The following TTC27 variants were observed in gnomAD, a reference collection of about 807,000 sequenced individuals.
The protein encoded by TTC27 is tetratricopeptide repeat domain 27.
TTC27 carries 79 observed loss-of-function variants against 115.9 expected under a neutral mutation model. That is an observed-to-expected ratio of 0.68 (90% CI 0.57 to 0.82). The LOEUF (loss-of-function observed/expected upper bound fraction) is 0.82, where lower values mean the gene tolerates loss of function less well. Among genes scored for constraint, TTC27 ranks in the 40% least tolerant of loss-of-function variants. The pLI is 0.00. For synonymous variants in TTC27, 401 were observed against 356.0 expected (o/e 1.13, Z -1.42); for missense variants, 1,054 against 993.1 (o/e 1.06, Z -0.82).
chr2:32,813,982 G>C lies in TTC27; in HGVS notation c.2308+1367G>C, dbSNP rs1027429900. Among the ~76,000 whole-genome samples, 79 of 152,102 alleles carry C rather than the reference G, an allele frequency of 5.2e-4. 3 individuals are homozygous for C. The highest frequency in any genetic ancestry group is 7.4e-5 in the Non-Finnish European group (5 of 68,020). ...ACCTCATGATGGGTGGGCTCAGTTG[G>C]GATCCAGTCCTTATGCTTTTGGTCT... On this transcript the variant is annotated intron_variant, in intron 18 of 19. Coordinates refer to ENST00000317907, the MANE Select transcript of TTC27 (RefSeq NM_017735.5).
intron 15 of TTC27, 40 bp from the exon 16 acceptor site, chr2:32,786,944 G>T: frequency 2.0e-6 from 3 of 1,522,692 alleles, no homozygotes; most frequent in Non-Finnish European, 2.7e-6. Flanking sequence ...AATAAAAAAA[G>T]AGTTCATTAT....
At chr2:32,657,153 T>A (rs867659270) in intron 5 of TTC27, among the ~76,000 whole-genome samples, 60 of 151,126 alleles carry the variant, frequency 4.0e-4, no homozygotes, top group Non-Finnish European at 6.6e-4. Flanking sequence ...GCCCGGCTAA[T>A]TTTTTGTATT....
At chr2:32,704,942 C>T (rs1260956641) in intron 10 of TTC27, 2 of 470,472 alleles carry the variant, frequency 4.3e-6, no homozygotes, top group Non-Finnish European at 8.8e-6. Context: ...GATTTCTCCC[C>T]AAGTAAAGTT....
At chr2:32,769,029 A>T (rs1341518207) in intron 13 of TTC27, among the ~76,000 whole-genome samples, 2 of 152,206 alleles carry the variant, frequency 1.3e-5, no homozygotes, top group Non-Finnish European at 2.9e-5. Context: ...AGTGAAGCCC[A>T]ACAGTGAGGC....
intron 16 of TTC27, among the ~76,000 whole-genome samples, chr2:32,809,894 G>A (rs1450113877): frequency 1.3e-5 from 2 of 152,134 alleles, no homozygotes; most frequent in Non-Finnish European, 2.9e-5. Context: ...CAAGGCGGGT[G>A]GGTCACGAGG....
chr2:32,735,410 G>A (rs1572561505), intron 11 of TTC27, among the ~76,000 whole-genome samples: 1 of 152,110 alleles, frequency 6.6e-6, no homozygotes, highest in East Asian at 1.9e-4. Flanking sequence ...TGTCTATTGA[G>A]GGTGTTGCTT....
chr2:32,688,857 C>A (rs184166522), intron 9 of TTC27, among the ~76,000 whole-genome samples: 2 of 152,190 alleles, frequency 1.3e-5, no homozygotes, highest in African/African-American at 4.8e-5. Flanking sequence ...AATTGCTTCT[C>A]CAGGTATTTA....
intron 10 of TTC27, among the ~76,000 whole-genome samples, chr2:32,717,363 A>G (rs1667789368): frequency 6.6e-6 from 1 of 152,126 alleles, no homozygotes; most frequent in Non-Finnish European, 1.5e-5. Flanking sequence ...TATACACCAA[A>G]TGGTGTGATT....
chr2:32,820,805 TTA>T lies in TTC27; in HGVS notation c.2410-7_2410-6del, dbSNP rs756117923. On this transcript the variant is annotated splice_polypyrimidine_tract_variant and intron_variant, in intron 19 of 19. Transcript: ENST00000317907. ...TGTTTTAATACTTCTGCTTTGTTTT[TTA>T]TATTACAGCAACTTTTTACAGATGT... 7.2e-6 allele frequency: 11 copies of T among 1,528,728 alleles called. No individual in the cohort carries two copies. In the African/African-American group the frequency reaches 1.5e-4, roughly 21 times the overall value. The allele number at this position is 1,528,728 out of a possible 1,614,324, so 94.7% of individuals were successfully genotyped here.
At position 32,715,333 on chromosome 2, in the gene TTC27, C is replaced by T. The variant is rs571930707; in HGVS notation, c.1233+12413C>T. 2.0e-5 allele frequency among the ~76,000 whole-genome samples: 3 copies of T among 152,208 alleles called. No homozygotes were observed. The South Asian group carries it at 6.2e-4, about 32-fold the overall frequency. ...AGCACCATTTGTTGAATAAGGAGTC[C>T]TTTCCCCATTGTTTGTTTTTGTCAA... On this transcript the variant is annotated intron_variant, in intron 10 of 19. Transcript: ENST00000317907.
intron 9 of TTC27, among the ~76,000 whole-genome samples, chr2:32,682,844 G>GTTTTTT (rs142030247): frequency 0.025 from 1,435 of 56,834 alleles, 353 homozygotes; most frequent in Middle Eastern, 0.1. Flanking sequence ...AATTTTTATT[G>GTTTTTT]TTGTTTTTTT....
Position 32,670,671 on chromosome 2 carries a change from G to T in TTC27, c.940-1601G>T, listed in dbSNP as rs189978175. ...CTCGCTCTATTGCCCAGGCTGGAGTGCAGTGGCATGATCTCAGCTTACTGC... is the reference window on the plus strand; with the variant it reads ...CTCGCTCTATTGCCCAGGCTGGAGTTCAGTGGCATGATCTCAGCTTACTGC... On this transcript the variant is annotated intron_variant, in intron 7 of 19. Transcript: ENST00000317907. Among the ~76,000 whole-genome samples, 5 of 151,968 alleles carry T rather than the reference G, an allele frequency of 3.3e-5. No individual in the cohort carries two copies. In the East Asian group the frequency reaches 9.7e-4, roughly 29 times the overall value.
At chr2:32,751,833 G>A (rs1191099338) in intron 12 of TTC27, among the ~76,000 whole-genome samples, 3 of 152,178 alleles carry the variant, frequency 2.0e-5, no homozygotes, top group Admixed American at 6.5e-5. Flanking sequence ...GTGAGTCTTT[G>A]AAGTGATTCA....
intron 12 of TTC27, among the ~76,000 whole-genome samples, chr2:32,747,340 T>C (rs144308067): frequency 9.2e-5 from 14 of 152,316 alleles, no homozygotes; most frequent in African/African-American, 3.1e-4. Context: ...TAATTGTAAA[T>C]CTAAAATGCA....
At chr2:32,715,537 G>A (rs147815949) in intron 10 of TTC27, among the ~76,000 whole-genome samples, 3,064 of 152,204 alleles carry the variant, frequency 0.02, 55 homozygotes, top group East Asian at 0.049. Context: ...ATCTGTTCTC[G>A]ATACTGTGTA....
chr2:32,688,648 A>T (rs1666717011), intron 9 of TTC27, among the ~76,000 whole-genome samples: 2 of 152,116 alleles, frequency 1.3e-5, no homozygotes, highest in South Asian at 4.1e-4. Context: ...GGCCAAAAGG[A>T]GCTTGAAAGA....
At chr2:32,692,729 T>C (rs970614678) in intron 9 of TTC27, among the ~76,000 whole-genome samples, 1 of 152,100 alleles carries the variant, frequency 6.6e-6, no homozygotes, top group Admixed American at 6.6e-5. Flanking sequence ...CCCAGCACTT[T>C]GGGAGGCCAA....
At chr2:32,644,130 G>A (rs1485430969) in intron 4 of TTC27, among the ~76,000 whole-genome samples, 3 of 144,516 alleles carry the variant, frequency 2.1e-5, no homozygotes, top group African/African-American at 7.8e-5. Context: ...GCAGTGAATC[G>A]AGATCGTTCC....
At chr2:32,630,789 G>A (rs908865396) in intron 2 of TTC27, 89 bp downstream of exon 2, 1 of 1,229,462 alleles carries the variant, frequency 8.1e-7, no homozygotes, top group East Asian at 2.5e-5. Flanking sequence ...TTTAGCAGTT[G>A]AGAAACCTTG....
Sources: gnomAD v4.1 joint callset for allele counts (sites outside exome capture counted in the v4.1 genomes callset) on GRCh38, gnomAD v4.1.1 for gene constraint, MANE v1.5 for transcripts, NCBI Gene and HGNC (gene_info 2026-07-23, HGNC 2026-07-21) for gene names.